SRGAP3: variants seen among roughly 807,000 people sequenced by gnomAD.
SRGAP3 encodes SLIT-ROBO Rho GTPase activating protein 3.
A neutral mutation model predicts 121.1 loss-of-function variants in SRGAP3; 39 were observed. The observed-to-expected ratio is 0.32, with a 90% CI of 0.25 to 0.42. SRGAP3 has a LOEUF of 0.42. Ranked by LOEUF, SRGAP3 falls within the 10% of genes least tolerant of loss-of-function variation. The probability of loss-of-function intolerance (pLI) is 1.00; values close to 1 mark genes in which losing one functional copy is unlikely to be tolerated. For missense variants in SRGAP3, 1,213 were observed against 1,470.6 expected, an observed-to-expected ratio of 0.82 and a Z score of 2.86; for synonymous variants, 601 against 570.0, an observed-to-expected ratio of 1.05 and a Z score of -0.77.
chr3:9,011,234 T>A (rs180918860), intron 17 of SRGAP3, among the ~76,000 whole-genome samples: 1 of 152,298 alleles, frequency 6.6e-6, no homozygotes, highest in East Asian at 1.9e-4. Context: ...TATGTAGTGT[T>A]ATGCAGGAAA....
At position 9,078,062 on chromosome 3, in the gene SRGAP3, C is replaced by T. The variant is rs567251448; in HGVS notation, c.486+1963G>A. 2.6e-5 allele frequency among the ~76,000 whole-genome samples: 4 copies of T among 152,108 alleles called. No homozygotes were observed. In the South Asian group the frequency reaches 6.2e-4, roughly 24 times the overall value. Reference sequence around the variant, plus strand: ...TACATCTGCCATAGGAACTTGAAGCCGAGAGGTAATAACATTCTGAAGGTG... The same window carrying T: ...TACATCTGCCATAGGAACTTGAAGCTGAGAGGTAATAACATTCTGAAGGTG... On this transcript the variant is annotated intron_variant, in intron 4 of 21. Transcript: ENST00000383836.
At chr3:9,213,860 G>A (rs1227151348) in intron 1 of SRGAP3, among the ~76,000 whole-genome samples, 3 of 151,970 alleles carry the variant, frequency 2.0e-5, no homozygotes, top group South Asian at 2.1e-4. Context: ...TAAGCTTGTT[G>A]TTCCCACCCC....
At chr3:9,338,301 G>A (rs1351559766) in intron 1 of SRGAP3, among the ~76,000 whole-genome samples, 1 of 152,182 alleles carries the variant, frequency 6.6e-6, no homozygotes, top group Non-Finnish European at 1.5e-5. Flanking sequence ...ACAGTTTGGA[G>A]CTTGGTAGGT....
intron 1 of SRGAP3, among the ~76,000 whole-genome samples, chr3:9,161,259 G>A (rs1950590377): frequency 1.3e-5 from 2 of 152,234 alleles, no homozygotes; most frequent in South Asian, 4.1e-4. Flanking sequence ...AGTATCACCA[G>A]TAATGGGACA....
chr3:8,990,363 C>G (rs1445242243), intron 21 of SRGAP3, 149 bp downstream of exon 21: 1 of 1,039,310 alleles, frequency 9.6e-7, no homozygotes, highest in Non-Finnish European at 1.4e-6. Context: ...GGAAGCCCAG[C>G]AAGGGACGGG....
At chr3:9,277,099 TG>T (rs1343315231) in intron 3 of SRGAP3, among the ~76,000 whole-genome samples, 1 of 152,224 alleles carries the variant, frequency 6.6e-6, no homozygotes, top group African/African-American at 2.4e-5. Flanking sequence ...AAGATTATCT[TG>T]AGGGTTAAGT....
rs370982091 is a variant in SRGAP3, at chr3:8,984,596, C to G, written c.*923G>C. On this transcript the variant is annotated 3_prime_UTR_variant, in exon 22 of 22. Transcript: ENST00000383836. The stretch of plus-strand genomic sequence containing the variant: ...ACTGTGCTACGATGGGGCTTAGGTT[C>G]TCACTATCCCCCGTCTCTACACACA... 3.1e-4 allele frequency: 72 copies of G among 232,582 alleles called. No homozygotes were observed. Among genetic ancestry groups the G allele is most frequent in the African/African-American group, 1.5e-3 (68 of 45,368 alleles). 14.4% of individuals were successfully genotyped at this position (232,582 alleles called of 1,614,324 possible). A position where few individuals can be genotyped will look rare whatever the true frequency, so the allele number is the denominator to read the frequency against.
At chr3:9,044,010 G>C (rs932192022) in intron 10 of SRGAP3, among the ~76,000 whole-genome samples, 1 of 152,206 alleles carries the variant, frequency 6.6e-6, no homozygotes, top group Admixed American at 6.5e-5. Flanking sequence ...CATAGCAACA[G>C]CCAAGGTATG....
intron 2 of SRGAP3, among the ~76,000 whole-genome samples, chr3:9,123,762 GTATATATGTA>G (rs1949113398): frequency 6.7e-6 from 1 of 149,018 alleles, no homozygotes; most frequent in South Asian, 2.1e-4. Context: ...GTGTATGTGT[GTATATATGTA>G]TGTGTGTGTA....
chr3:9,054,748 C>T lies in SRGAP3; in HGVS notation c.1125+1485G>A, dbSNP rs1041254579. ...TTGTCTTTTCTCACTAGAATATTCC[C>T]TCCCGGAGAGGAGGTGCTATGGTGC... On this transcript the variant is annotated intron_variant, in intron 8 of 21. Transcript: ENST00000383836. 2.2e-4 allele frequency among the ~76,000 whole-genome samples: 34 copies of T among 152,238 alleles called. 2 individuals are homozygous for T. The highest frequency in any genetic ancestry group is 1.0e-3 in the South Asian group (5 of 4,826).
chr3:9,024,732 C>T (rs375885928), intron 14 of SRGAP3, among the ~76,000 whole-genome samples: 1 of 152,158 alleles, frequency 6.6e-6, no homozygotes. Context: ...GTGTGGCTTG[C>T]CAAAAACACT....
intron 1 of SRGAP3, among the ~76,000 whole-genome samples, chr3:9,211,811 G>A (rs116592882): frequency 0.015 from 2,326 of 151,956 alleles, 51 homozygotes; most frequent in African/African-American, 0.053. Flanking sequence ...GAGTAGCTGG[G>A]ACTACAGGTG....
intron 11 of SRGAP3, chr3:9,035,808 C>G (rs373884448): frequency 2.6e-5 from 4 of 156,588 alleles, no homozygotes; most frequent in African/African-American, 9.6e-5. Flanking sequence ...CCCTAGATAA[C>G]CTAATAGACT....
chr3:9,098,481 G>T (rs191898834), intron 3 of SRGAP3, among the ~76,000 whole-genome samples: 12 of 152,156 alleles, frequency 7.9e-5, no homozygotes, highest in Admixed American at 5.2e-4. Context: ...TTCCAGGCTG[G>T]TCTCAAACAT....
chr3:9,067,390 C>T (rs1485866354), intron 4 of SRGAP3, among the ~76,000 whole-genome samples: 2 of 152,058 alleles, frequency 1.3e-5, no homozygotes, highest in African/African-American at 2.4e-5. Flanking sequence ...GGCTTCTCTG[C>T]GTTCCGTCCA....
intron 1 of SRGAP3, among the ~76,000 whole-genome samples, chr3:9,240,817 T>C (rs1239079384): frequency 6.6e-6 from 1 of 152,210 alleles, no homozygotes; most frequent in African/African-American, 2.4e-5. Context: ...GCAGCCTGCA[T>C]CACAGCCGTG....
intron 8 of SRGAP3, 84 bp from the exon 9 acceptor site, chr3:9,053,308 T>C (rs1945671678): frequency 7.4e-7 from 1 of 1,354,436 alleles, no homozygotes; most frequent in Non-Finnish European, 1.0e-6. Context: ...GCTGTCACTT[T>C]ACTTCTTCCA....
intron 3 of SRGAP3, among the ~76,000 whole-genome samples, chr3:9,307,952 C>T (rs567420034): frequency 5.9e-5 from 9 of 152,302 alleles, no homozygotes; most frequent in African/African-American, 1.4e-4. Flanking sequence ...GTCAGGAGTT[C>T]GAGACAAGCC....
At chr3:9,010,495 A>C in intron 17 of SRGAP3, 108 bp from the exon 18 acceptor site, 2 of 1,176,462 alleles carry the variant, frequency 1.7e-6, no homozygotes, top group Non-Finnish European at 1.3e-6. Flanking sequence ...CCCGCAGCTC[A>C]GATGCAGGCC....
Sources: gnomAD v4.1 joint callset for allele counts (sites outside exome capture counted in the v4.1 genomes callset) on GRCh38, gnomAD v4.1.1 for gene constraint, MANE v1.5 for transcripts, NCBI Gene and HGNC (gene_info 2026-07-23, HGNC 2026-07-21) for gene names.